The following EIF4G2 variants were observed in gnomAD, a reference collection of about 807,000 sequenced individuals.
EIF4G2 encodes eukaryotic translation initiation factor 4 gamma 2.
A neutral mutation model predicts 117.7 loss-of-function variants in EIF4G2; 8 were observed. That is an observed-to-expected ratio of 0.07 (90% CI 0.04 to 0.12). The LOEUF is 0.12. Ranked by LOEUF, EIF4G2 falls within the 10% of genes least tolerant of loss-of-function variation. EIF4G2 has a pLI of 1.00. For missense variants in EIF4G2, 812 were observed against 1,086.2 expected (o/e 0.75, Z 3.55); for synonymous variants, 413 against 367.8 (o/e 1.12, Z -1.41).
chr11:10,799,115 TTAAA>T lies in EIF4G2; in HGVS notation c.2537-6_2537-3del. On this transcript the variant is annotated splice_polypyrimidine_tract_variant and splice_region_variant and intron_variant, in intron 20 of 21. Coordinates refer to ENST00000339995, the MANE Select transcript of EIF4G2 (RefSeq NM_001418.4). ...GCACAAAAAAGCGAAGTAACATGCCTTAAAAAAAAAAAAAAAAAGAAAAAAGTAA... is the reference window on the plus strand; with the variant it reads ...GCACAAAAAAGCGAAGTAACATGCCTAAAAAAAAAAAAAAGAAAAAAGTAA... 7.1e-7 allele frequency: 1 copy of T among 1,416,236 alleles called. No homozygotes were observed. Among genetic ancestry groups the T allele is most frequent in the African/African-American group, 2.0e-5 (1 of 51,234 alleles). The allele number at this position is 1,416,236 out of a possible 1,614,324, so 87.7% of individuals were successfully genotyped here. A position where few individuals can be genotyped will look rare whatever the true frequency, so the allele number is the denominator to read the frequency against.
At chr11:10,807,119 TAGA>T (rs1847599539) in intron 2 of EIF4G2, 133 bp downstream of exon 2, 3 of 1,354,456 alleles carry the variant, frequency 2.2e-6, no homozygotes, top group South Asian at 2.8e-5. Flanking sequence ...TGGCAGTTCT[TAGA>T]AGGCTGTCAA....
intron 5 of EIF4G2, 175 bp from the exon 6 acceptor site, chr11:10,804,593 A>G: frequency 1.3e-6 from 1 of 785,000 alleles, no homozygotes; most frequent in Non-Finnish European, 1.9e-6. Flanking sequence ...CATGGATATC[A>G]AAACTTTCAA....
intron 11 of EIF4G2, 24 bp from the exon 12 acceptor site, chr11:10,802,459 A>G: frequency 6.5e-7 from 1 of 1,539,900 alleles, no homozygotes; most frequent in Non-Finnish European, 8.7e-7. Flanking sequence ...GTGAATATGC[A>G]CTTTTTGTCT....
At position 10,797,925 on chromosome 11, in the gene EIF4G2, CAG is replaced by C. The variant is rs1289535535; in HGVS notation, c.2659-46_2659-45del. On this transcript the variant is annotated intron_variant, in intron 21 of 21. Coordinates refer to ENST00000339995, the MANE Select transcript of EIF4G2 (RefSeq NM_001418.4). The surrounding 1 kb of genome is among the most constrained non-coding windows in gnomAD (Gnocchi z 4.5). ...AAATTAAAATAGTTCATGATATAAA[CAG>C]AAATCCATCCAAAAAGTTTTAGGTG... The C allele has an allele frequency of 1.3e-6, 2 of 1,592,046 alleles. No individual in the cohort carries two copies. The highest frequency in any genetic ancestry group is 1.7e-4 in the Middle Eastern group (1 of 6,008).
Position 10,803,608 on chromosome 11 carries a change from C to T in EIF4G2, c.703-18G>A. 1 of 1,601,888 alleles carries T rather than the reference C, an allele frequency of 6.2e-7. No homozygotes were observed. The highest frequency in any genetic ancestry group is 8.5e-7 in the Non-Finnish European group (1 of 1,170,574). ...TCCAAAAGCTACAAGAATAAAAGGC[C>T]ATGGTGACAAAGTTTTAGTTACTCT... On this transcript the variant is annotated intron_variant, in intron 8 of 21. Coordinates refer to ENST00000339995, the MANE Select transcript of EIF4G2 (RefSeq NM_001418.4). The surrounding 1 kb of genome is among the most constrained non-coding windows in gnomAD (Gnocchi z 4.0).
intron 14 of EIF4G2, 23 bp from the exon 15 acceptor site, chr11:10,801,110 T>C (rs1366888030): frequency 6.2e-7 from 1 of 1,613,350 alleles, no homozygotes; most frequent in Non-Finnish European, 8.5e-7. Flanking sequence ...ACAAAATATA[T>C]CTAAATTAAC....
rs1209088639 is a variant in EIF4G2, at chr11:10,799,394, G to A, written c.2355C>T (p.Asn785=). 1.9e-6 allele frequency: 3 copies of A among 1,611,722 alleles called. No homozygotes were observed. The highest frequency in any genetic ancestry group is 1.7e-5 in the Admixed American group (1 of 59,994). Residue 785 remains asparagine (N), a synonymous_variant, in exon 20 of 22, where the codon AAC becomes AAT. Coordinates refer to ENST00000339995, the MANE Select transcript of EIF4G2 (RefSeq NM_001418.4). ...ATGAATCTGTTTCATCGCTGGGGGGGTTTACTTCACTAGAAATGTACTGTA... is the reference window on the plus strand; with the variant it reads ...ATGAATCTGTTTCATCGCTGGGGGGATTTACTTCACTAGAAATGTACTGTA...
At position 10,807,354 on chromosome 11, in the gene EIF4G2, A is replaced by G. The variant is rs747849622; in HGVS notation, c.-59T>C. On this transcript the variant is annotated 5_prime_UTR_variant, in exon 2 of 22. Coordinates refer to ENST00000339995, the MANE Select transcript of EIF4G2 (RefSeq NM_001418.4). ...AATAATATTAATAGATGGGGTGGGG[A>G]GGGGAGGGGACAGGAGAAATGAAAT... 11 of 833,544 alleles carry G rather than the reference A, an allele frequency of 1.3e-5. No homozygotes were observed. The highest frequency in any genetic ancestry group is 1.9e-5 in the Non-Finnish European group (10 of 523,572). The allele number at this position is 833,544 out of a possible 1,614,324, so 51.6% of individuals were successfully genotyped here.
In EIF4G2 at chr11:10,804,919, T is replaced by C. The variant is rs1564984398; in HGVS notation, c.345A>G (p.Ile115Met). The C allele has an allele frequency of 1.2e-6, 2 of 1,613,206 alleles. No homozygotes were observed. The highest frequency in any genetic ancestry group is 1.7e-6 in the Non-Finnish European group (2 of 1,179,186). ...GCCAATATTTAAAACTTACCAGCAGTATGACCCCTTTAAGGATGAGTTTAG... is the reference window on the plus strand; with the variant it reads ...GCCAATATTTAAAACTTACCAGCAGCATGACCCCTTTAAGGATGAGTTTAG... Residue 115 changes from isoleucine (I) to methionine (M), a missense_variant, in exon 5 of 22, where the codon ATA becomes ATG. This residue lies in a region of EIF4G2 where 154 missense variants were observed against 322.1 expected (regional missense o/e 0.48). Transcript: ENST00000339995.
chr11:10,803,220 G>A lies in EIF4G2; in HGVS notation c.888C>T (p.Phe296=). 1 of 1,613,938 alleles carries A rather than the reference G, an allele frequency of 6.2e-7. No individual in the cohort carries two copies. Among genetic ancestry groups the A allele is most frequent in the Non-Finnish European group, 8.5e-7 (1 of 1,179,946 alleles). The change falls in exon 10 of 22, where the codon TTC becomes TTT. Residue 296 remains phenylalanine, a synonymous_variant. Coordinates refer to ENST00000339995, the MANE Select transcript of EIF4G2 (RefSeq NM_001418.4). This position sits in a 1 kb window ranked among gnomAD's most constrained non-coding sequence, Gnocchi z 4.0. The stretch of plus-strand genomic sequence containing the variant: ...AAGAAACCAGTATTACCTGCAGCAG[G>A]AAACGAATCCTTGCTGGCAATTCCT...
At chr11:10,802,482 T>G (rs550494595) in intron 11 of EIF4G2, 47 bp from the exon 12 acceptor site, 2 of 1,495,342 alleles carry the variant, frequency 1.3e-6, no homozygotes, top group Admixed American at 4.9e-5. Context: ...GGACACTATT[T>G]CACTTAAAAC....
intron 14 of EIF4G2, 142 bp downstream of exon 14, chr11:10,801,519 A>G (rs759058830): frequency 2.3e-6 from 2 of 855,756 alleles, no homozygotes; most frequent in East Asian, 2.4e-5. Context: ...ATTCAAAGAA[A>G]GAAAAAGAAG....
Position 10,802,516 on chromosome 11 carries a change from GA to G in EIF4G2, c.997-82del, listed in dbSNP as rs142844065. 3,164 of 1,431,732 alleles carry G rather than the reference GA, an allele frequency of 2.2e-3. 38 individuals are homozygous for G. The African/African-American group carries it at 0.025, about 11-fold the overall frequency. The allele number at this position is 1,431,732 out of a possible 1,614,324, so 88.7% of individuals were successfully genotyped here. On this transcript the variant is annotated intron_variant, in intron 11 of 21. Transcript: ENST00000339995. ...ACTAAAATTCTTGCAACTAGGGGGG[GA>G]AACCTAGAATATTAAACCATAATTT...
chr11:10,801,177 G>C (rs1054373750), intron 14 of EIF4G2, 90 bp from the exon 15 acceptor site: 4 of 1,518,718 alleles, frequency 2.6e-6, no homozygotes, highest in Admixed American at 2.1e-5. Context: ...TACAGTGACA[G>C]AATCTAGGGA....
In EIF4G2 at chr11:10,799,057, C is replaced by T; in HGVS notation, c.2593G>A (p.Ala865Thr). 3.1e-6 allele frequency: 5 copies of T among 1,610,616 alleles called. No individual in the cohort carries two copies. Among genetic ancestry groups the T allele is most frequent in the Non-Finnish European group, 4.2e-6 (5 of 1,179,372 alleles). Residue 865 changes from alanine (A) to threonine (T), a missense_variant, in exon 21 of 22, where the codon GCT (alanine) becomes ACT (threonine). By Grantham distance (58) the Ala-to-Thr change is moderately conservative (BLOSUM62 0). Transcript: ENST00000339995. ...ATATCTTCTTTCCAAGCCAAGAAAGCTTCTTCTTCAATAATTTCCATGTCA... is the reference window on the plus strand; with the variant it reads ...ATATCTTCTTTCCAAGCCAAGAAAGTTTCTTCTTCAATAATTTCCATGTCA...
At chr11:10,801,863 AAGTT>A (rs71829913) in intron 13 of EIF4G2, 89 bp from the exon 14 acceptor site, 24,667 of 1,322,208 alleles carry the variant, frequency 0.019, 323 homozygotes, top group South Asian at 0.04. Flanking sequence ...CCAAGCCATA[AAGTT>A]AGTTTAACTG....
At chr11:10,806,422 C>G (rs749535003) in intron 3 of EIF4G2, 62 of 322,770 alleles carry the variant, frequency 1.9e-4, no homozygotes, top group Middle Eastern at 9.7e-4. Flanking sequence ...AGCGACCCTC[C>G]CACCTTTGCC....
At position 10,803,445 on chromosome 11, in the gene EIF4G2, A is replaced by T. The variant is rs1440791308; in HGVS notation, c.813+35T>A. 11 of 1,591,306 alleles carry T rather than the reference A, an allele frequency of 6.9e-6. No homozygotes were observed. Among genetic ancestry groups the T allele is most frequent in the Non-Finnish European group, 9.5e-6 (11 of 1,160,374 alleles). On this transcript the variant is annotated intron_variant, in intron 9 of 21. Coordinates refer to ENST00000339995, the MANE Select transcript of EIF4G2 (RefSeq NM_001418.4). The surrounding 1 kb of genome is among the most constrained non-coding windows in gnomAD (Gnocchi z 4.0). ...AATCAATAGCTTGATTTAAAGACAAACTACTTGTACTACTTTCATCAGCTA... is the reference window on the plus strand; with the variant it reads ...AATCAATAGCTTGATTTAAAGACAATCTACTTGTACTACTTTCATCAGCTA...
At chr11:10,801,135 G>A (rs749406122) in intron 14 of EIF4G2, 48 bp from the exon 15 acceptor site, 8 of 1,608,176 alleles carry the variant, frequency 5.0e-6, no homozygotes, top group African/African-American at 2.7e-5. Context: ...TGCAGTTGGC[G>A]AACATATTAA....
Sources: allele counts gnomAD v4.1 joint callset, GRCh38; gene constraint gnomAD v4.1.1; regional missense constraint gnomAD v4.1.1; non-coding constraint Gnocchi (gnomAD v3.1); transcripts MANE v1.5; gene names NCBI Gene and HGNC (gene_info 2026-07-23, HGNC 2026-07-21).